The following CFAP46 variants were observed in gnomAD, a reference collection of about 807,000 sequenced individuals.
CFAP46 encodes cilia and flagella associated protein 46.
CFAP46 carries 245 observed loss-of-function variants against 325.7 expected under a neutral mutation model. The ratio of observed to expected loss-of-function variants is 0.75; its 90% CI spans 0.68 to 0.84. The LOEUF (loss-of-function observed/expected upper bound fraction) is 0.84. Among genes scored for constraint, CFAP46 ranks in the 40% least tolerant of loss-of-function variants. The pLI, the probability that CFAP46 is intolerant of heterozygous loss-of-function variation, is 0.00. For missense variants in CFAP46, 3,346 were observed against 3,543.0 expected (o/e 0.94, Z 1.41); for synonymous variants, 1,523 against 1,495.9 (o/e 1.02, Z -0.42).
At position 132,877,573 on chromosome 10, in the gene CFAP46, A is replaced by G. The variant is rs980842704; in HGVS notation, c.4212+308T>C. On this transcript the variant is annotated intron_variant, in intron 30 of 57. Coordinates refer to ENST00000368586, the MANE Select transcript of CFAP46 (RefSeq NM_001200049.3). The surrounding 1 kb of genome is among the most constrained non-coding windows in gnomAD (Gnocchi z 5.7). ...CTGCGTGCATTACGTGGCTAGCTCC[A>G]GGCCCGGGATTCCTGCCAGGGACAA... 3.9e-5 allele frequency among the ~76,000 whole-genome samples: 6 copies of G among 152,216 alleles called. No individual in the cohort carries two copies. Among genetic ancestry groups the G allele is most frequent in the Admixed American group, 1.3e-4 (2 of 15,290 alleles).
intron 27 of CFAP46, 22 bp from the exon 28 acceptor site, chr10:132,881,054 G>T (rs1395434601): frequency 1.3e-6 from 2 of 1,548,992 alleles, no homozygotes; most frequent in African/African-American, 2.7e-5. Flanking sequence ...AACAGGAAGG[G>T]TGACATCCTC....
chr10:132,815,031 G>T, intron 50 of CFAP46, 117 bp from the exon 51 acceptor site: 1 of 936,672 alleles, frequency 1.1e-6, no homozygotes, highest in Non-Finnish European at 1.7e-6. Flanking sequence ...AAAAAAACAA[G>T]TTGTGAGAAC....
rs1163782496 is a variant in CFAP46, at chr10:132,847,899, G to A, written c.5953-578C>T. On this transcript the variant is annotated intron_variant, in intron 41 of 57. Coordinates refer to ENST00000368586, the MANE Select transcript of CFAP46 (RefSeq NM_001200049.3). This position sits in a 1 kb window ranked among gnomAD's most constrained non-coding sequence, Gnocchi z 5.2. ...TAAAAACACTGATAGAAATGGAGAA[G>A]GAGTGATGGACATGTCCCCGTTCTA... Among the ~76,000 whole-genome samples the A allele has an allele frequency of 2.0e-5, 3 of 152,210 alleles. No individual in the cohort carries two copies. The highest frequency in any genetic ancestry group is 4.4e-5 in the Non-Finnish European group (3 of 68,038).
chr10:132,882,777 G>A (rs1195350985), intron 27 of CFAP46, among the ~76,000 whole-genome samples: 1 of 152,056 alleles, frequency 6.6e-6, no homozygotes, highest in Admixed American at 6.5e-5. Flanking sequence ...TGGGGCTTGG[G>A]AGCCACGTGA....
intron 22 of CFAP46, among the ~76,000 whole-genome samples, chr10:132,903,393 C>T (rs1456043169): frequency 6.6e-6 from 1 of 152,216 alleles, no homozygotes; most frequent in Non-Finnish European, 1.5e-5. Flanking sequence ...ATCCTGGACA[C>T]CTCAGCTGCT....
intron 7 of CFAP46, among the ~76,000 whole-genome samples, chr10:132,935,175 G>A (rs542435901): frequency 1.3e-5 from 2 of 152,186 alleles, no homozygotes; most frequent in Admixed American, 6.5e-5. Flanking sequence ...GCTCAACGGC[G>A]ATAGGACCTG....
intron 50 of CFAP46, among the ~76,000 whole-genome samples, chr10:132,831,863 T>C (rs1372761077): frequency 6.6e-6 from 1 of 152,236 alleles, no homozygotes; most frequent in Non-Finnish European, 1.5e-5. Flanking sequence ...TTCATCTTCT[T>C]CGTTATGTAT....
At position 132,817,703 on chromosome 10, in the gene CFAP46, T is replaced by C. The variant is rs1847720633; in HGVS notation, c.7118-2789A>G. 6.6e-6 allele frequency among the ~76,000 whole-genome samples: 1 copy of C among 152,256 alleles called. No individual in the cohort carries two copies. Among genetic ancestry groups the C allele is most frequent in the African/African-American group, 2.4e-5 (1 of 41,472 alleles). On this transcript the variant is annotated intron_variant, in intron 50 of 57. Transcript: ENST00000368586. This position sits in a 1 kb window ranked among gnomAD's most constrained non-coding sequence, Gnocchi z 4.4. ...TGGCGGCTGAGGACACTCAAGGCTC[T>C]AGATCACCGGCAGCCCGGCTTTCAG... is the stretch of plus-strand genomic sequence containing the variant.
At chr10:132,824,226 TTGTGTGTGC>T (rs1847977419) in intron 50 of CFAP46, among the ~76,000 whole-genome samples, 1 of 129,070 alleles carries the variant, frequency 7.7e-6, no homozygotes, top group Non-Finnish European at 1.6e-5. Context: ...GTGCTGTGTG[TTGTGTGTGC>T]TGTGTGAGTG....
chr10:132,941,162 CTG>C, intron 3 of CFAP46, 102 bp from the exon 4 acceptor site: 1 of 1,131,604 alleles, frequency 8.8e-7, no homozygotes, highest in Non-Finnish European at 1.3e-6. Context: ...CTGGTACCCC[CTG>C]TGTGTCACCT....
intron 15 of CFAP46, 36 bp from the exon 16 acceptor site, chr10:132,918,556 T>C (rs1260681417): frequency 1.3e-6 from 2 of 1,491,936 alleles, no homozygotes; most frequent in Non-Finnish European, 1.8e-6. Flanking sequence ...ATCATGTTTT[T>C]TTCTAGCAAA....
intron 50 of CFAP46, among the ~76,000 whole-genome samples, chr10:132,820,864 CTGTGTGTGCTGATGTGTGCTG>C (rs1847790457): frequency 2.0e-4 from 22 of 110,494 alleles, no homozygotes; most frequent in African/African-American, 4.4e-4. Flanking sequence ...CTGATGTGTG[CTGTGTGTGCTGATGTGTGCTG>C]TGTGTGTGCT....
chr10:132,809,339 G>C (rs1046370554), intron 57 of CFAP46, among the ~76,000 whole-genome samples: 2 of 152,238 alleles, frequency 1.3e-5, no homozygotes, highest in Non-Finnish European at 2.9e-5. Flanking sequence ...AGCCAGCCTG[G>C]CTCTGCCCTT....
intron 50 of CFAP46, among the ~76,000 whole-genome samples, chr10:132,821,634 TGTGTGCTGTGTGAGTGCTGATGTGTGC>T (rs1450336384): frequency 1.4e-5 from 2 of 141,872 alleles, no homozygotes; most frequent in Admixed American, 6.8e-5. Context: ...GTGTGTGTGC[TGTGTGCTGTGTGAGTGCTGATGTGTGC>T]TGTGTGTGCT....
Position 132,919,245 on chromosome 10 carries a change from C to T in CFAP46, c.1858+70G>A, listed in dbSNP as rs1849683300. On this transcript the variant is annotated intron_variant, in intron 15 of 57. Coordinates refer to ENST00000368586, the MANE Select transcript of CFAP46 (RefSeq NM_001200049.3). The surrounding 1 kb of genome is among the most constrained non-coding windows in gnomAD (Gnocchi z 9.7). ...CCCCATGGGTTGTCATTGCACGAAC[C>T]ACAACCCTTCCCACACCCAGAGGGC... The T allele has an allele frequency of 6.7e-7, 1 of 1,485,708 alleles. No individual in the cohort carries two copies. Among genetic ancestry groups the T allele is most frequent in the Non-Finnish European group, 9.0e-7 (1 of 1,110,804 alleles). The allele number at this position is 1,485,708 out of a possible 1,614,324, so 92.0% of individuals were successfully genotyped here. A position where few individuals can be genotyped will look rare whatever the true frequency, so the allele number is the denominator to read the frequency against.
At chr10:132,917,021 T>C (rs1243102985) in intron 16 of CFAP46, among the ~76,000 whole-genome samples, 1 of 152,160 alleles carries the variant, frequency 6.6e-6, no homozygotes, top group Non-Finnish European at 1.5e-5. Flanking sequence ...ACGTAATCAT[T>C]ACGTTTTAAA....
Position 132,808,819 on chromosome 10 carries a change from A to C in CFAP46, c.7750T>G (p.Trp2584Gly), listed in dbSNP as rs1248772782. ...ACCCGATGGCTTGGTGCGGCAGCCC[A>C]TACAGGACCAAGTTGAGCGTGGTGG... The part of the protein sequence containing the change: ...PSHHAQLGPV[W>G]AAAPSHRVVQ... Residue 2584 changes from tryptophan to glycine, a missense_variant, in exon 58 of 58, where the codon TGG (tryptophan) becomes GGG (glycine). Physicochemically the swap from Trp to Gly is radical, Grantham distance 184 (BLOSUM62 -2). Transcript: ENST00000368586. This position sits in a 1 kb window ranked among gnomAD's most constrained non-coding sequence, Gnocchi z 6.8. The C allele has an allele frequency of 2.5e-6, 4 of 1,609,242 alleles. No individual in the cohort carries two copies. The highest frequency in any genetic ancestry group is 3.4e-6 in the Non-Finnish European group (4 of 1,178,104).
chr10:132,912,587 C>T, intron 19 of CFAP46, 68 bp downstream of exon 19: 1 of 1,416,006 alleles, frequency 7.1e-7, no homozygotes, highest in Non-Finnish European at 9.3e-7. Context: ...CTCCTCTCCT[C>T]TCTCTCTCTC....
intron 50 of CFAP46, among the ~76,000 whole-genome samples, chr10:132,816,532 C>T (rs372926330): frequency 1.1e-4 from 16 of 151,956 alleles, no homozygotes; most frequent in East Asian, 7.7e-4. Flanking sequence ...GGGGTTTCAC[C>T]GTGTTAGCCA....
Sources: allele counts gnomAD v4.1 joint callset (sites outside exome capture counted in the v4.1 genomes callset), GRCh38; gene constraint gnomAD v4.1.1; non-coding constraint Gnocchi (gnomAD v3.1); transcripts MANE v1.5; gene names NCBI Gene and HGNC (gene_info 2026-07-23, HGNC 2026-07-21).